Variants in WDFY4 observed in about 807,000 individuals in gnomAD.
WDFY4 encodes WDFY family member 4.
A neutral mutation model predicts 351.9 loss-of-function variants in WDFY4; 169 were observed. The ratio of observed to expected loss-of-function variants is 0.48; its 90% CI spans 0.42 to 0.55. The LOEUF (loss-of-function observed/expected upper bound fraction) is 0.55. Ranked by LOEUF, WDFY4 falls within the 20% of genes least tolerant of loss-of-function variation. The pLI, the probability that WDFY4 is intolerant of heterozygous loss-of-function variation, is 0.00. For missense variants in WDFY4, 3,803 were observed against 3,935.6 expected (o/e 0.97, Z 0.90); for synonymous variants, 1,622 against 1,574.6 (o/e 1.03, Z -0.71).
chr10:48,774,612 C>A lies in WDFY4; in HGVS notation c.2708C>A (p.Ser903Ter). Residue 903 changes from serine (S) to a stop codon, truncating the protein, a stop_gained, in exon 14 of 62, where the codon TCA becomes TAA. Transcript: ENST00000325239. LOFTEE classifies it high-confidence loss of function. ...GTCACCAGTGGCAGCCCCCTCCACT[C>A]ACGCCTCATCAGGATCTTTGAGAAG... ...ALVTSGSPLH[S>*]RLIRIFEKLA... 6.4e-7 allele frequency: 1 copy of A among 1,551,734 alleles called. No individual in the cohort carries two copies. The highest frequency in any genetic ancestry group is 8.7e-7 in the Non-Finnish European group (1 of 1,146,990).
At chr10:48,848,636 A>G (rs2068857442) in intron 39 of WDFY4, among the ~76,000 whole-genome samples, 1 of 152,120 alleles carries the variant, frequency 6.6e-6, no homozygotes, top group Non-Finnish European at 1.5e-5. Context: ...GGTTCTTTTC[A>G]GTCCCTCAAA....
In WDFY4 at chr10:48,787,986, C is replaced by T. The variant is rs61838436; in HGVS notation, c.3809-544C>T. Among the ~76,000 whole-genome samples the T allele has an allele frequency of 9.5e-3, 617 of 65,246 alleles. 7 individuals carry two copies. The highest frequency in any genetic ancestry group is 0.021 in the South Asian group (38 of 1,816). 42.8% of individuals were successfully genotyped at this position (65,246 alleles called of 152,430 possible). A position where few individuals can be genotyped will look rare whatever the true frequency, so the allele number is the denominator to read the frequency against. The stretch of plus-strand genomic sequence containing the variant: ...TTCTTCTTCTTCTTCTTCTTCTTCT[C>T]CTTCTCCTTCTCCTTCTCCTTCTCC... On this transcript the variant is annotated intron_variant, in intron 20 of 61. Transcript: ENST00000325239.
intron 42 of WDFY4, among the ~76,000 whole-genome samples, chr10:48,875,404 G>A (rs769486496): frequency 6.6e-6 from 1 of 152,166 alleles, no homozygotes; most frequent in Non-Finnish European, 1.5e-5. Flanking sequence ...ATATCAGGGA[G>A]ATCTTAAAAG....
Position 48,966,617 on chromosome 10 carries a change from C to CACGG in WDFY4, c.8530_8531insGGAC (p.Gln2844ArgfsTer42). The CACGG allele has an allele frequency of 6.4e-7, 1 of 1,551,966 alleles. No homozygotes were observed. The highest frequency in any genetic ancestry group is 8.7e-7 in the Non-Finnish European group (1 of 1,147,048). ...ACCCCCGTGAGCCTGCCTGGCCACCCACAGCCCTTTTTCTACAGCCTGCAG... is the reference window on the plus strand; with the variant it reads ...ACCCCCGTGAGCCTGCCTGGCCACCCACGGACAGCCCTTTTTCTACAGCCTGCAG... On this transcript the variant is annotated frameshift_variant, in exon 55 of 62. Coordinates refer to ENST00000325239, the MANE Select transcript of WDFY4 (RefSeq NM_001394531.1). LOFTEE classifies it high-confidence loss of function.
At chr10:48,707,986 A>G (rs1169111476) in intron 1 of WDFY4, among the ~76,000 whole-genome samples, 1 of 152,144 alleles carries the variant, frequency 6.6e-6, no homozygotes, top group Non-Finnish European at 1.5e-5. Flanking sequence ...AGTGCCCAAC[A>G]GAAGCAAAAG....
chr10:48,786,839 T>C lies in WDFY4; in HGVS notation c.3777T>C (p.Tyr1259=). The change falls in exon 20 of 62, where the codon TAT becomes TAC. Residue 1259 remains tyrosine, a synonymous_variant. Coordinates refer to ENST00000325239, the MANE Select transcript of WDFY4 (RefSeq NM_001394531.1). ...LEVINKLGPR[Y]CGNFQAVHVQ... ...TTATTAACAAACTTGGCCCAAGATA[T>C]TGTGGTAACTTCCAAGCTGTGCATG... is the stretch of plus-strand genomic sequence containing the variant. The C allele has an allele frequency of 6.4e-6, 10 of 1,552,112 alleles. No homozygotes were observed. The highest frequency in any genetic ancestry group is 8.7e-6 in the Non-Finnish European group (10 of 1,147,076).
intron 23 of WDFY4, among the ~76,000 whole-genome samples, chr10:48,792,707 T>C (rs927318824): frequency 5.3e-5 from 8 of 152,180 alleles, no homozygotes; most frequent in Non-Finnish European, 1.2e-4. Flanking sequence ...AGAACCAAAA[T>C]AATTTTAATA....
chr10:48,879,047 G>T (rs1437530349), intron 43 of WDFY4, among the ~76,000 whole-genome samples: 2 of 152,206 alleles, frequency 1.3e-5, no homozygotes, highest in Non-Finnish European at 2.9e-5. Context: ...ACTAACGGCA[G>T]ATCATAACAG....
chr10:48,704,933 A>G (rs896513644), intron 1 of WDFY4, among the ~76,000 whole-genome samples: 2 of 137,416 alleles, frequency 1.5e-5, no homozygotes, highest in Non-Finnish European at 3.2e-5. Flanking sequence ...GACCTGTGCC[A>G]AGCTGACTAA....
chr10:48,897,293 T>C (rs188928746), intron 44 of WDFY4, among the ~76,000 whole-genome samples, 161 bp from the exon 45 acceptor site: 1 of 152,322 alleles, frequency 6.6e-6, no homozygotes, highest in African/African-American at 2.4e-5. Context: ...ATTTCTCAGA[T>C]GAGTAGGGCT....
intron 44 of WDFY4, 137 bp from the exon 45 acceptor site, chr10:48,897,317 G>T (rs976683741): frequency 8.1e-7 from 1 of 1,236,886 alleles, no homozygotes; most frequent in Admixed American, 2.2e-5. Context: ...ACACTGGTTG[G>T]CAGTGACCAC....
chr10:48,823,404 C>T (rs1445439634), intron 35 of WDFY4: 3 of 1,209,552 alleles, frequency 2.5e-6, no homozygotes, highest in Admixed American at 6.8e-5. Context: ...TTAGGAGGAC[C>T]ACTCTCCTTC....
chr10:48,966,987 A>G (rs1842114135), intron 55 of WDFY4: 4 of 353,398 alleles, frequency 1.1e-5, no homozygotes, highest in Non-Finnish European at 5.2e-6. Context: ...CCTCTCTTTT[A>G]TACATGCACA....
rs532847515 is a variant in WDFY4 at position 48,771,398 on chromosome 10, T to C, written c.2554-3060T>C. On this transcript the variant is annotated intron_variant, in intron 13 of 61. Transcript: ENST00000325239. ...AGCAAGAGTCATGTGCTCTTGGCAATTTCCATCTCTGGGCTTAGCTTCCCC... is the reference window on the plus strand; with the variant it reads ...AGCAAGAGTCATGTGCTCTTGGCAACTTCCATCTCTGGGCTTAGCTTCCCC... 5.9e-5 allele frequency among the ~76,000 whole-genome samples: 9 copies of C among 152,332 alleles called. No homozygotes were observed. The South Asian group carries it at 1.9e-3, about 32-fold the overall frequency.
At position 48,727,399 on chromosome 10, in the gene WDFY4, G is replaced by T. The variant is rs1402654305; in HGVS notation, c.782-71G>T. 25 of 1,429,536 alleles carry T rather than the reference G, an allele frequency of 1.7e-5. No homozygotes were observed. The African/African-American group carries it at 3.3e-4, about 19-fold the overall frequency. 88.6% of individuals were successfully genotyped at this position (1,429,536 alleles called of 1,614,324 possible). A position where few individuals can be genotyped will look rare whatever the true frequency, so the allele number is the denominator to read the frequency against. On this transcript the variant is annotated intron_variant, in intron 6 of 61. Transcript: ENST00000325239. ...TGACATGTTGTTTGGAGTAGGGGAG[G>T]TAGGTGGACCATGGCAGGAAAGCTC...
intron 39 of WDFY4, among the ~76,000 whole-genome samples, chr10:48,860,789 A>G (rs1283566459): frequency 6.6e-6 from 1 of 152,184 alleles, no homozygotes; most frequent in Non-Finnish European, 1.5e-5. Context: ...TTTGACACAG[A>G]TTAAAGTCTA....
intron 4 of WDFY4, among the ~76,000 whole-genome samples, chr10:48,722,010 G>A (rs1250097523): frequency 1.3e-5 from 2 of 152,144 alleles, no homozygotes; most frequent in Non-Finnish European, 2.9e-5. Flanking sequence ...GGGAACCTGG[G>A]TGGCTGCTGC....
chr10:48,735,805 G>A (rs1448142889), intron 10 of WDFY4, 75 bp from the exon 11 acceptor site: 2 of 1,359,620 alleles, frequency 1.5e-6, no homozygotes, highest in African/African-American at 2.9e-5. Flanking sequence ...ATAAGACAAA[G>A]CTTTTCTTTT....
At chr10:48,843,979 G>C (rs2068692082) in intron 39 of WDFY4, among the ~76,000 whole-genome samples, 1 of 152,242 alleles carries the variant, frequency 6.6e-6, no homozygotes, top group Admixed American at 6.5e-5. Context: ...AGATGGCCGT[G>C]GAGGGGAGAA....
Sources: gnomAD v4.1 joint callset for allele counts (sites outside exome capture counted in the v4.1 genomes callset) on GRCh38, gnomAD v4.1.1 for gene constraint, MANE v1.5 for transcripts, NCBI Gene and HGNC (gene_info 2026-07-23, HGNC 2026-07-21) for gene names.